TIAM1: variants seen among roughly 807,000 people sequenced by gnomAD.
TIAM1 encodes the protein rho guanine nucleotide exchange factor TIAM1.
In TIAM1, 65 loss-of-function variants were observed where a neutral mutation model predicts 163.5. That is an observed-to-expected ratio of 0.40 (90% CI 0.33 to 0.49). The LOEUF is 0.49. Among genes scored for constraint, TIAM1 ranks in the 20% least tolerant of loss-of-function variants. The pLI, the probability that TIAM1 is intolerant of heterozygous loss-of-function variation, is 0.77. For synonymous variants in TIAM1, 833 were observed against 810.1 expected, an observed-to-expected ratio of 1.03 and a Z score of -0.48; for missense variants, 1,789 against 2,044.7, an observed-to-expected ratio of 0.87 and a Z score of 2.41.
At chr21:31,279,658 T>C (rs1048777552) in intron 2 of TIAM1, among the ~76,000 whole-genome samples, 4 of 152,240 alleles carry the variant, frequency 2.6e-5, no homozygotes, top group African/African-American at 4.8e-5. Flanking sequence ...TGGGTTGTCA[T>C]GAGCATTAAA....
chr21:31,182,396 C>A, intron 15 of TIAM1, 25 bp downstream of exon 15: 3 of 1,503,454 alleles, frequency 2.0e-6, no homozygotes, highest in Non-Finnish European at 2.7e-6. Flanking sequence ...TTCAGACTCG[C>A]CCCCAGCACC....
chr21:31,477,551 T>C (rs887191418), intron 1 of TIAM1, among the ~76,000 whole-genome samples: 1 of 149,158 alleles, frequency 6.7e-6, no homozygotes, highest in African/African-American at 2.5e-5. Context: ...CTCGGCTCAC[T>C]GCAACCTCCA....
intron 13 of TIAM1, among the ~76,000 whole-genome samples, chr21:31,189,598 T>C (rs1326973237): frequency 6.6e-6 from 1 of 152,038 alleles, no homozygotes; most frequent in African/African-American, 2.4e-5. Context: ...AGCCAAAAAT[T>C]TACAAAAGTG....
At chr21:31,365,116 G>A (rs2076476917) in intron 2 of TIAM1, among the ~76,000 whole-genome samples, 1 of 152,138 alleles carries the variant, frequency 6.6e-6, no homozygotes, top group African/African-American at 2.4e-5. Context: ...ACAAGAATCA[G>A]TGGAATTTGG....
chr21:31,311,808 G>A (rs1167063465), intron 2 of TIAM1, among the ~76,000 whole-genome samples: 1 of 152,196 alleles, frequency 6.6e-6, no homozygotes, highest in Non-Finnish European at 1.5e-5. Context: ...TGAGGGTGTT[G>A]CCAAAGGAGA....
chr21:31,135,872 T>C, intron 23 of TIAM1, 61 bp downstream of exon 23: 4 of 1,467,088 alleles, frequency 2.7e-6, no homozygotes, highest in Non-Finnish European at 3.8e-6. Flanking sequence ...AAAGAAATGT[T>C]CTTGTTTTGA....
chr21:31,244,622 G>A (rs545750287), intron 6 of TIAM1, among the ~76,000 whole-genome samples: 2 of 152,202 alleles, frequency 1.3e-5, no homozygotes, highest in Non-Finnish European at 2.9e-5. Flanking sequence ...CTACTCAAGA[G>A]GCTGAGACAG....
intron 6 of TIAM1, 107 bp downstream of exon 6, chr21:31,245,372 TAAAAAAAAA>T (rs35494700): frequency 2.9e-5 from 6 of 209,936 alleles, no homozygotes; most frequent in African/African-American, 9.3e-5. Context: ...ATCTCACCAC[TAAAAAAAAA>T]AAAAAAAAAA....
intron 4 of TIAM1, among the ~76,000 whole-genome samples, chr21:31,256,530 T>C (rs2072106430): frequency 6.6e-6 from 1 of 151,046 alleles, no homozygotes; most frequent in South Asian, 2.1e-4. Context: ...AATTCTAACA[T>C]GTCCTTCCTC....
intron 27 of TIAM1, 49 bp downstream of exon 27, chr21:31,124,473 T>C (rs2082115014): frequency 6.2e-7 from 1 of 1,607,292 alleles, no homozygotes; most frequent in Non-Finnish European, 8.5e-7. Context: ...GGAGTTCTAC[T>C]GCGGAGTGGG....
chr21:31,365,818 T>C (rs979763490), intron 2 of TIAM1, among the ~76,000 whole-genome samples: 1 of 151,926 alleles, frequency 6.6e-6, no homozygotes, highest in African/African-American at 2.4e-5. Flanking sequence ...AAGTATGACA[T>C]AAGGCCGGGC....
At chr21:31,456,515 T>C (rs553664386) in intron 2 of TIAM1, among the ~76,000 whole-genome samples, 13 of 152,340 alleles carry the variant, frequency 8.5e-5, no homozygotes, top group East Asian at 3.9e-4. Context: ...TAAGATAAGA[T>C]GAAAAAGTTG....
intron 1 of TIAM1, among the ~76,000 whole-genome samples, chr21:31,544,741 C>T (rs1010666154): frequency 2.7e-5 from 4 of 150,072 alleles, no homozygotes; most frequent in Admixed American, 6.6e-5. Flanking sequence ...TGGCCAGGCA[C>T]GGTGGCTCAC....
At chr21:31,475,329 C>A (rs76898730) in intron 1 of TIAM1, among the ~76,000 whole-genome samples, 4 of 152,024 alleles carry the variant, frequency 2.6e-5, no homozygotes, top group Non-Finnish European at 5.9e-5. Context: ...GTTAGGATTA[C>A]GGATTACTGA....
chr21:31,261,156 C>T (rs1422958723), intron 4 of TIAM1, among the ~76,000 whole-genome samples: 1 of 152,040 alleles, frequency 6.6e-6, no homozygotes, highest in Non-Finnish European at 1.5e-5. Flanking sequence ...TCAAAGAAAG[C>T]AGCCGTGAGG....
intron 11 of TIAM1, among the ~76,000 whole-genome samples, chr21:31,206,034 TTCTTTAA>T (rs2086436824): frequency 6.6e-6 from 1 of 152,192 alleles, no homozygotes; most frequent in Non-Finnish European, 1.5e-5. Context: ...TTTTTCAAAC[TTCTTTAA>T]GTTACAATAA....
At chr21:31,437,789 C>T (rs1025054645) in intron 2 of TIAM1, among the ~76,000 whole-genome samples, 25 of 152,130 alleles carry the variant, frequency 1.6e-4, no homozygotes, top group African/African-American at 3.1e-4. Context: ...GTAAGTTTCC[C>T]GAGATCCCCC....
At chr21:31,517,048 CAAAAAAAAA>C (rs747446437) in intron 1 of TIAM1, among the ~76,000 whole-genome samples, 1 of 65,392 alleles carries the variant, frequency 1.5e-5, no homozygotes, top group African/African-American at 5.2e-5. Context: ...GACTCTGTCT[CAAAAAAAAA>C]AAAAAAAAAG....
chr21:31,411,328 C>T (rs548520559), intron 2 of TIAM1, among the ~76,000 whole-genome samples: 1 of 152,208 alleles, frequency 6.6e-6, no homozygotes, highest in East Asian at 1.9e-4. Context: ...GACTACAGAG[C>T]AGAAGTTAGC....
Sources: gnomAD v4.1 joint callset for allele counts (sites outside exome capture counted in the v4.1 genomes callset) on GRCh38, gnomAD v4.1.1 for gene constraint, MANE v1.5 for transcripts, NCBI Gene and HGNC (gene_info 2026-07-23, HGNC 2026-07-21) for gene names.